Variants in MYT1L observed in about 807,000 individuals in gnomAD.
MYT1L encodes the protein myelin transcription factor 1 like.
In MYT1L, 12 loss-of-function variants were observed where a neutral mutation model predicts 126.7. That is an observed-to-expected ratio of 0.09 (90% CI 0.06 to 0.15). The LOEUF (loss-of-function observed/expected upper bound fraction) is 0.15, where lower values mean the gene tolerates loss of function less well. MYT1L is among the 10% of genes least tolerant of loss of function. MYT1L has a pLI of 1.00. For missense variants in MYT1L, 979 were observed against 1,585.2 expected (o/e 0.62, Z 6.49); for synonymous variants, 541 against 604.2 (o/e 0.90, Z 1.53).
At chr2:2,256,977 C>T (rs2094829318) in intron 2 of MYT1L, among the ~76,000 whole-genome samples, 1 of 152,148 alleles carries the variant, frequency 6.6e-6, no homozygotes, top group Non-Finnish European at 1.5e-5. Flanking sequence ...AGGTTGCTGC[C>T]TCCTTGAAGT....
chr2:1,986,037 A>G (rs1037764250), intron 5 of MYT1L, among the ~76,000 whole-genome samples: 1 of 152,244 alleles, frequency 6.6e-6, no homozygotes, highest in Non-Finnish European at 1.5e-5. Context: ...CAAGTTGTCA[A>G]AATATAGGAT....
intron 4 of MYT1L, among the ~76,000 whole-genome samples, chr2:2,028,921 C>A (rs1365874610): frequency 1.3e-5 from 2 of 152,136 alleles, no homozygotes; most frequent in Non-Finnish European, 2.9e-5. Context: ...TGGGGGGCTT[C>A]TGTGAGGAAG....
At chr2:2,278,160 G>A (rs2095394268) in intron 2 of MYT1L, among the ~76,000 whole-genome samples, 1 of 152,134 alleles carries the variant, frequency 6.6e-6, no homozygotes, top group Non-Finnish European at 1.5e-5. Context: ...TGCTGTGTAC[G>A]AGGCACTAAT....
intron 18 of MYT1L, among the ~76,000 whole-genome samples, chr2:1,871,015 A>T (rs2046213969): frequency 6.6e-6 from 1 of 152,148 alleles, no homozygotes; most frequent in African/African-American, 2.4e-5. Context: ...GAACAATTTT[A>T]AATGGATCAC....
rs373197982 is a variant in MYT1L, at chr2:1,903,273, C to T, written c.1839G>A (p.Gln613=). 4.5e-5 allele frequency: 72 copies of T among 1,613,298 alleles called. No individual in the cohort carries two copies. Among genetic ancestry groups the T allele is most frequent in the Non-Finnish European group, 5.9e-5 (70 of 1,179,564 alleles). ...RVLRPMCFVK[Q]LEIPQYGYRN... is the part of the protein sequence containing the mutation. ...TGTAGCCATACTGAGGAATCTCCAG[C>T]TGCTTCACAAAGCACATTGGCCTGG... Residue 613 remains glutamine (Q), a synonymous_variant, in exon 14 of 25, where the codon CAG becomes CAA. Coordinates refer to ENST00000647738, the MANE Select transcript of MYT1L (RefSeq NM_001303052.2).
In MYT1L at chr2:1,793,782, TTC is replaced by T. The variant is rs1387685654; in HGVS notation, c.3277-1320_3277-1319del. On this transcript the variant is annotated intron_variant, in intron 23 of 24. Transcript: ENST00000647738. This position sits in a 1 kb window ranked among gnomAD's most constrained non-coding sequence, Gnocchi z 4.6. ...ATTTCCATGCACGTCCTGGGTGACC[TTC>T]TCATTCGTGTTCTTTGGGGTTATTT... Among the ~76,000 whole-genome samples the T allele has an allele frequency of 3.9e-5, 6 of 152,156 alleles. No homozygotes were observed. The highest frequency in any genetic ancestry group is 2.6e-4 in the Admixed American group (4 of 15,288).
chr2:2,148,032 G>A (rs145227126), intron 3 of MYT1L, among the ~76,000 whole-genome samples: 309 of 152,296 alleles, frequency 2.0e-3, no homozygotes, highest in Admixed American at 3.5e-3. Context: ...GCGAGAGGCC[G>A]CCTGAGGAGA....
chr2:1,892,398 C>G (rs1240195862), intron 14 of MYT1L, 111 bp from the exon 15 acceptor site: 18 of 1,428,398 alleles, frequency 1.3e-5, no homozygotes, highest in Non-Finnish European at 1.7e-5. Flanking sequence ...CCGCGTGGGA[C>G]GGCCCTCAGG....
At position 2,163,115 on chromosome 2, in the gene MYT1L, C is replaced by T. The variant is rs77980581; in HGVS notation, c.-304+9757G>A. Among the ~76,000 whole-genome samples, 682 of 152,292 alleles carry T rather than the reference C, an allele frequency of 4.5e-3. 3 individuals are homozygous for T. Among genetic ancestry groups the T allele is most frequent in the Admixed American group, 7.6e-3 (116 of 15,298 alleles). ...GAATAAACTCCACCTAGTACACCTG[C>T]TTCTGAAACTACCAGCAGGACCACC... is the stretch of plus-strand genomic sequence containing the variant. On this transcript the variant is annotated intron_variant, in intron 3 of 24. Transcript: ENST00000647738.
At chr2:2,104,640 G>A (rs1407835101) in intron 3 of MYT1L, among the ~76,000 whole-genome samples, 1 of 152,210 alleles carries the variant, frequency 6.6e-6, no homozygotes, top group African/African-American at 2.4e-5. Context: ...TTGGCACGAA[G>A]TGCTTTCTGT....
intron 2 of MYT1L, among the ~76,000 whole-genome samples, chr2:2,220,112 ACT>A (rs2093814131): frequency 6.6e-6 from 1 of 152,016 alleles, no homozygotes. Flanking sequence ...AAAGAGTCTA[ACT>A]CTGTGAAATA....
intron 3 of MYT1L, among the ~76,000 whole-genome samples, chr2:2,098,835 C>T (rs559972224): frequency 2.2e-4 from 34 of 152,314 alleles, no homozygotes; most frequent in African/African-American, 6.0e-4. Context: ...CCACACCCTA[C>T]GGTGAAATTA....
chr2:2,189,104 A>G (rs1357467528), intron 2 of MYT1L, among the ~76,000 whole-genome samples: 1 of 152,216 alleles, frequency 6.6e-6, no homozygotes, highest in Non-Finnish European at 1.5e-5. Context: ...TCCACACAGC[A>G]GCAGGACCAT....
At chr2:2,256,472 A>C (rs552201168) in intron 2 of MYT1L, among the ~76,000 whole-genome samples, 28 of 152,376 alleles carry the variant, frequency 1.8e-4, no homozygotes, top group African/African-American at 6.5e-4. Context: ...CTACAGCAGC[A>C]GAATGGAGTA....
chr2:1,859,412 T>A (rs1434469881), intron 18 of MYT1L, among the ~76,000 whole-genome samples: 3 of 152,238 alleles, frequency 2.0e-5, no homozygotes, highest in Non-Finnish European at 4.4e-5. Flanking sequence ...TTCTTTTTCA[T>A]GACGCAGATG....
intron 4 of MYT1L, among the ~76,000 whole-genome samples, chr2:2,027,115 C>G (rs988566509): frequency 7.2e-5 from 11 of 152,162 alleles, no homozygotes; most frequent in Non-Finnish European, 1.5e-4. Flanking sequence ...TGTGAACCCC[C>G]CATCGCCGCT....
intron 4 of MYT1L, among the ~76,000 whole-genome samples, chr2:2,032,815 G>A (rs1371126990): frequency 9.5e-5 from 12 of 125,928 alleles, no homozygotes; most frequent in African/African-American, 3.5e-4. Flanking sequence ...CCTCGCCAGT[G>A]CCTCTCATCC....
chr2:2,029,610 T>C (rs1459634833), intron 4 of MYT1L, among the ~76,000 whole-genome samples: 2 of 152,232 alleles, frequency 1.3e-5, no homozygotes, highest in Admixed American at 1.3e-4. Flanking sequence ...GCCGTATCGA[T>C]GTGCATATGA....
intron 9 of MYT1L, among the ~76,000 whole-genome samples, chr2:1,938,093 A>T (rs1382217370): frequency 6.6e-6 from 1 of 152,232 alleles, no homozygotes. Context: ...GCAGCTGCAC[A>T]CACGCAAGCT....
Sources: allele counts gnomAD v4.1 joint callset (sites outside exome capture counted in the v4.1 genomes callset), GRCh38; gene constraint gnomAD v4.1.1; non-coding constraint Gnocchi (gnomAD v3.1); transcripts MANE v1.5; gene names NCBI Gene and HGNC (gene_info 2026-07-23, HGNC 2026-07-21).